Variants in KRT4 observed in about 807,000 individuals in gnomAD.
The protein encoded by KRT4 is keratin 4, also known as keratin, type II cytoskeletal 4.
In KRT4, 47 loss-of-function variants were observed where a neutral mutation model predicts 50.6. The ratio of observed to expected loss-of-function variants is 0.93; its 90% CI spans 0.73 to 1.18. The LOEUF (loss-of-function observed/expected upper bound fraction) is 1.18. KRT4 is among the 50% of genes most tolerant of loss of function. KRT4 has a pLI of 0.00. For missense variants in KRT4, 651 were observed against 645.7 expected (o/e 1.01, Z -0.09); for synonymous variants, 254 against 251.2 (o/e 1.01, Z -0.10).
At chr12:52,809,678 C>A (rs1939873784) in intron 3 of KRT4, among the ~76,000 whole-genome samples, 200 bp from the exon 4 acceptor site, 1 of 152,206 alleles carries the variant, frequency 6.6e-6, no homozygotes, top group Non-Finnish European at 1.5e-5. Flanking sequence ...TCCAAATAGG[C>A]TATTCTAACA....
At chr12:52,813,029 G>A (rs1939939241) in intron 1 of KRT4, among the ~76,000 whole-genome samples, 1 of 152,146 alleles carries the variant, frequency 6.6e-6, no homozygotes, top group Non-Finnish European at 1.5e-5. Flanking sequence ...CATGAAAAAG[G>A]AAGTTGGGCT....
Position 52,806,671 on chromosome 12 carries a change from T to G in KRT4, c.*398A>C. 1 of 282,340 alleles carries G rather than the reference T, an allele frequency of 3.5e-6. No homozygotes were observed. The highest frequency in any genetic ancestry group is 7.0e-6 in the Non-Finnish European group (1 of 143,796). The allele number at this position is 282,340 out of a possible 1,614,324, so 17.5% of individuals were successfully genotyped here. On this transcript the variant is annotated 3_prime_UTR_variant, in exon 9 of 9. Coordinates refer to ENST00000551956, the MANE Select transcript of KRT4 (RefSeq NM_002272.4). ...TGCAGGGCCAAGTGCTGCCGGGTGT[T>G]GGAGAAGTAGTTTGGTTCTGATGTA...
intron 3 of KRT4, among the ~76,000 whole-genome samples, chr12:52,810,218 C>T (rs4589374): frequency 0.11 from 16,981 of 152,202 alleles, 1,056 homozygotes; most frequent in South Asian, 0.17. Context: ...AAACTATCCA[C>T]GTAACAAAAT....
In KRT4 at chr12:52,813,619, T is replaced by G. The variant is rs779637485; in HGVS notation, c.440A>C (p.Lys147Thr). Residue 147 changes from lysine to threonine, a missense_variant, in exon 1 of 9, where the codon AAG becomes ACG. Transcript: ENST00000551956. ...CACCTTGTCGATGAAGGAGGCAAACTTGTTGTTGAGGAGCTTGATCTGTTC... is the reference window on the plus strand; with the variant it reads ...CACCTTGTCGATGAAGGAGGCAAACGTGTTGTTGAGGAGCTTGATCTGTTC... ...EREQIKLLNN[K>T]FASFIDKVQF... is the part of the protein sequence containing the mutation. 6.2e-7 allele frequency: 1 copy of G among 1,613,848 alleles called. No homozygotes were observed. Among genetic ancestry groups the G allele is most frequent in the Admixed American group, 1.7e-5 (1 of 60,008 alleles).
intron 3 of KRT4, among the ~76,000 whole-genome samples, chr12:52,809,993 C>A (rs1452520556): frequency 6.6e-6 from 1 of 151,914 alleles, no homozygotes; most frequent in East Asian, 1.9e-4. Flanking sequence ...TTAAGTGAAA[C>A]AACTCAGGCA....
chr12:52,809,432 A>G lies in KRT4; in HGVS notation c.785T>C (p.Val262Ala). 1 of 1,614,164 alleles carries G rather than the reference A, an allele frequency of 6.2e-7. No homozygotes were observed. The highest frequency in any genetic ancestry group is 8.5e-7 in the Non-Finnish European group (1 of 1,180,000). Residue 262 changes from valine (V) to alanine (A), a missense_variant, in exon 4 of 9, where the codon GTG becomes GCG. Val to Ala is a moderately conservative substitution (Grantham distance 64). Transcript: ENST00000551956. ...YLNKVELEAK[V>A]DSLNDEINFL... ...GTTGATCTCGTCATTAAGACTGTCCACCTTGGCCTCCAACTCCACCTTGTT... is the reference window on the plus strand; with the variant it reads ...GTTGATCTCGTCATTAAGACTGTCCGCCTTGGCCTCCAACTCCACCTTGTT...
In KRT4 at chr12:52,809,416, G is replaced by T. The variant is rs369207280; in HGVS notation, c.801C>A (p.Asp267Glu). Residue 267 changes from aspartate (D) to glutamate (E), a missense_variant, in exon 4 of 9, where the codon GAC (aspartate) becomes GAA (glutamate). Transcript: ENST00000551956. ...AGAGGACCTTCAGGAAGTTGATCTC[G>T]TCATTAAGACTGTCCACCTTGGCCT... Reference protein sequence around the residue: ...ELEAKVDSLNDEINFLKVLYD... With the variant: ...ELEAKVDSLNEEINFLKVLYD... 6.9e-5 allele frequency: 111 copies of T among 1,614,026 alleles called. No individual in the cohort carries two copies. Among genetic ancestry groups the T allele is most frequent in the Middle Eastern group, 4.9e-4 (3 of 6,062 alleles).
intron 6 of KRT4, 46 bp downstream of exon 6, chr12:52,808,248 T>C (rs1320624980): frequency 1.2e-6 from 2 of 1,611,128 alleles, no homozygotes; most frequent in Admixed American, 1.7e-5. Context: ...GATGTCTGCC[T>C]GAGGCCCCTG....
chr12:52,810,897 CATTTCCAAACAA>C, intron 2 of KRT4, 81 bp from the exon 3 acceptor site: 1 of 1,153,646 alleles, frequency 8.7e-7, no homozygotes, highest in Admixed American at 1.7e-5. Flanking sequence ...TGTTTTCAAG[CATTTCCAAACAA>C]ATTTGGAAAT....
In KRT4 at chr12:52,811,935, A is replaced by C. The variant is rs773266090; in HGVS notation, c.505T>G (p.Trp169Gly). 6.2e-7 allele frequency: 1 copy of C among 1,613,944 alleles called. No individual in the cohort carries two copies. The highest frequency in any genetic ancestry group is 1.1e-5 in the South Asian group (1 of 91,060). ...GTCGTCTGCTGCTGGAGCAGGTTCC[A>C]TTTGGTCTCCAGGACCTTATTCTGT... ...EQQNKVLETKWNLLQQQTTTT... is the reference protein window; with the variant it reads ...EQQNKVLETKGNLLQQQTTTT... The change falls in exon 2 of 9, where the codon TGG becomes GGG. Residue 169 changes from tryptophan (W) to glycine (G), a missense_variant. Trp to Gly is a radical substitution (Grantham distance 184). Coordinates refer to ENST00000551956, the MANE Select transcript of KRT4 (RefSeq NM_002272.4).
At chr12:52,808,907 C>T (rs1939858107) in intron 4 of KRT4, 57 bp from the exon 5 acceptor site, 1 of 1,578,810 alleles carries the variant, frequency 6.3e-7, no homozygotes, top group Non-Finnish European at 8.7e-7. Flanking sequence ...TGACCTGATA[C>T]AGGCTCAAGT....
At chr12:52,811,074 A>G in intron 2 of KRT4, 1 of 500,522 alleles carries the variant, frequency 2.0e-6, no homozygotes, top group Non-Finnish European at 3.6e-6. Context: ...CCCAGCAATG[A>G]TGTAGTTGAT....
intron 1 of KRT4, among the ~76,000 whole-genome samples, chr12:52,812,435 T>A (rs2121254991): frequency 6.6e-6 from 1 of 152,342 alleles, no homozygotes; most frequent in East Asian, 1.9e-4. Context: ...CGTGTCCCTG[T>A]GAACCTGTGA....
chr12:52,811,515 T>C, intron 2 of KRT4: 3 of 521,508 alleles, frequency 5.8e-6, no homozygotes. Context: ...CTATTTGGGT[T>C]CTGATCTTGT....
In KRT4 at chr12:52,809,220, T is replaced by C. The variant is rs141346465; in HGVS notation, c.834+163A>G. On this transcript the variant is annotated intron_variant, in intron 4 of 8. Transcript: ENST00000551956. ...ACATCTGGTTCTAAGAATCTCCCAG[T>C]TGAATTTCCCACTTCAAACCTTTCT... 87 of 701,200 alleles carry C rather than the reference T, an allele frequency of 1.2e-4. No homozygotes were observed. In the East Asian group the frequency reaches 2.3e-3, roughly 18 times the overall value. The allele number at this position is 701,200 out of a possible 1,614,324, so 43.4% of individuals were successfully genotyped here.
intron 3 of KRT4, among the ~76,000 whole-genome samples, chr12:52,809,970 G>A (rs745630797): frequency 3.3e-5 from 5 of 152,186 alleles, no homozygotes; most frequent in African/African-American, 1.2e-4. Context: ...GGATGGAACT[G>A]GAGGCCATTA....
Position 52,813,958 on chromosome 12 carries a change from G to A in KRT4, c.101C>T (p.Ser34Phe), listed in dbSNP as rs1433136873. 1 of 1,614,162 alleles carries A rather than the reference G, an allele frequency of 6.2e-7. No homozygotes were observed. Among genetic ancestry groups the A allele is most frequent in the African/African-American group, 1.3e-5 (1 of 75,052 alleles). Reference protein sequence around the residue: ...GGKRGAFSSVSMSGGAGRCSS... With the variant: ...GGKRGAFSSVFMSGGAGRCSS... ...GCATCGGCCAGCACCTCCAGACATG[G>A]AGACTGAGCTGAAGGCACCTCTCTT... The change falls in exon 1 of 9, where the codon TCC becomes TTC. Residue 34 changes from serine (S) to phenylalanine (F), a missense_variant. Physicochemically the swap from Ser to Phe is radical, Grantham distance 155. Coordinates refer to ENST00000551956, the MANE Select transcript of KRT4 (RefSeq NM_002272.4).
rs756121638 is a variant in KRT4, at chr12:52,807,161, C to G, written c.1471G>C (p.Gly491Arg). 1 of 1,614,044 alleles carries G rather than the reference C, an allele frequency of 6.2e-7. No individual in the cohort carries two copies. The highest frequency in any genetic ancestry group is 8.5e-7 in the Non-Finnish European group (1 of 1,180,020). ...CCAAACCCAAAGCCACTTCCAGAGC[C>G]GGAGCCAAAGCCACTACTCAGGCCA... ...GFGLSSGFGS[G>R]SGSGFGFGGS... is the part of the protein sequence containing the mutation. Residue 491 changes from glycine (G) to arginine (R), a missense_variant, in exon 9 of 9, where the codon GGC becomes CGC. By Grantham distance (125) the Gly-to-Arg change is moderately radical. Transcript: ENST00000551956.
Position 52,810,831 on chromosome 12 carries a change from G to A in KRT4, c.678-15C>T, listed in dbSNP as rs139700086. 268 of 1,611,214 alleles carry A rather than the reference G, an allele frequency of 1.7e-4. No individual in the cohort carries two copies. The African/African-American group carries it at 3.1e-3, about 18-fold the overall frequency. On this transcript the variant is annotated splice_polypyrimidine_tract_variant and intron_variant, in intron 2 of 8. Transcript: ENST00000551956. ...CCTCTTCATACCTGGGGGTGGGCAC[G>A]GGGAGAAAAAGACAAAAACCCACAG... is the stretch of plus-strand genomic sequence containing the variant.
Sources: gnomAD v4.1 joint callset for allele counts (sites outside exome capture counted in the v4.1 genomes callset) on GRCh38, gnomAD v4.1.1 for gene constraint, MANE v1.5 for transcripts, NCBI Gene and HGNC (gene_info 2026-07-23, HGNC 2026-07-21) for gene names.